CACNA1D: variants seen among roughly 807,000 people sequenced by gnomAD.
CACNA1D encodes the protein calcium voltage-gated channel subunit alpha1 D.
CACNA1D carries 55 observed loss-of-function variants against 257.1 expected under a neutral mutation model. The observed-to-expected ratio is 0.21, with a 90% CI of 0.17 to 0.27. The LOEUF is 0.27. Ranked by LOEUF, CACNA1D falls within the 10% of genes least tolerant of loss-of-function variation. The pLI is 1.00. For synonymous variants in CACNA1D, 980 were observed against 1,014.9 expected (o/e 0.97, Z 0.65); for missense variants, 1,876 against 2,784.0 (o/e 0.67, Z 7.34).
chr3:53,810,253 C>T lies in CACNA1D; in HGVS notation c.6147C>T (p.Asn2049=). The T allele has an allele frequency of 1.2e-6, 2 of 1,613,884 alleles. No homozygotes were observed. The highest frequency in any genetic ancestry group is 1.3e-5 in the African/African-American group (1 of 75,014). The change falls in exon 47 of 48, where the codon AAC becomes AAT. Residue 2049 remains asparagine (N), a synonymous_variant. Coordinates refer to ENST00000350061, the MANE Select transcript of CACNA1D (RefSeq NM_001128840.3). ...ASLTVPSSFR[N]KNSDKQRSAD... ...TGACTGTCCCCAGCAGCTTCCGGAACAAAAACAGCGACAAGCAGAGGAGTG... is the reference window on the plus strand; with the variant it reads ...TGACTGTCCCCAGCAGCTTCCGGAATAAAAACAGCGACAAGCAGAGGAGTG...
chr3:53,566,376 A>T (rs2092836587), intron 3 of CACNA1D, among the ~76,000 whole-genome samples: 1 of 151,896 alleles, frequency 6.6e-6, no homozygotes, highest in East Asian at 1.9e-4. Context: ...GCTTCCCTGG[A>T]TGGGTGTTTG....
intron 28 of CACNA1D, among the ~76,000 whole-genome samples, chr3:53,752,624 C>T (rs2095235495): frequency 6.6e-6 from 1 of 152,182 alleles, no homozygotes; most frequent in Non-Finnish European, 1.5e-5. Flanking sequence ...GTCCCGAACT[C>T]GTGACCTCAG....
Position 53,718,406 on chromosome 3 carries a change from T to C in CACNA1D, c.1478+18T>C. 1.9e-6 allele frequency: 3 copies of C among 1,607,010 alleles called. No individual in the cohort carries two copies. The highest frequency in any genetic ancestry group is 2.2e-5 in the East Asian group (1 of 44,846). On this transcript the variant is annotated intron_variant, in intron 10 of 47. Coordinates refer to ENST00000350061, the MANE Select transcript of CACNA1D (RefSeq NM_001128840.3). ...AGTCTCTGGTGAGTGTGGGGAGCAC[T>C]TGCCCTCTTTCCCCTCCTGTTGTCT...
chr3:53,571,949 C>G (rs1432215992), intron 3 of CACNA1D, among the ~76,000 whole-genome samples: 2 of 152,160 alleles, frequency 1.3e-5, no homozygotes, highest in Non-Finnish European at 2.9e-5. Context: ...AGCGATTGGA[C>G]TCAAAACATT....
In CACNA1D at chr3:53,510,660, C is replaced by T. The variant is rs191716986; in HGVS notation, c.483+8940C>T. Among the ~76,000 whole-genome samples the T allele has an allele frequency of 3.2e-4, 48 of 152,312 alleles. 1 individual carries two copies. Among genetic ancestry groups the T allele is most frequent in the African/African-American group, 1.0e-3 (42 of 41,552 alleles). Reference sequence around the variant, plus strand: ...CACATCATTCTTCACTAAGCCTGTACTCTTTTACCTCACACCACATCTCAC... The same window carrying T: ...CACATCATTCTTCACTAAGCCTGTATTCTTTTACCTCACACCACATCTCAC... On this transcript the variant is annotated intron_variant, in intron 3 of 47. Coordinates refer to ENST00000350061, the MANE Select transcript of CACNA1D (RefSeq NM_001128840.3).
intron 8 of CACNA1D, among the ~76,000 whole-genome samples, chr3:53,695,315 C>T (rs181865037): frequency 1.3e-5 from 2 of 152,302 alleles, no homozygotes; most frequent in Admixed American, 1.3e-4. Flanking sequence ...CATCCCAGGG[C>T]AACTGTGCTG....
chr3:53,809,908 T>G, intron 46 of CACNA1D, 70 bp from the exon 47 acceptor site: 1 of 1,434,888 alleles, frequency 7.0e-7, no homozygotes, highest in South Asian at 1.1e-5. Flanking sequence ...GTGCTTGGTC[T>G]GTGCGCAGAA....
chr3:53,508,352 G>A (rs1462761338), intron 3 of CACNA1D, among the ~76,000 whole-genome samples: 1 of 151,944 alleles, frequency 6.6e-6, no homozygotes, highest in Non-Finnish European at 1.5e-5. Context: ...AGGTTTGGGG[G>A]TACATGTGAA....
intron 8 of CACNA1D, among the ~76,000 whole-genome samples, chr3:53,698,801 T>C (rs1027315023): frequency 1.7e-4 from 25 of 145,610 alleles, no homozygotes; most frequent in African/African-American, 5.7e-4. Context: ...TAGCACACTT[T>C]ATTGCTTTTT....
chr3:53,680,711 A>G (rs2094422183), intron 8 of CACNA1D, among the ~76,000 whole-genome samples: 1 of 152,228 alleles, frequency 6.6e-6, no homozygotes, highest in Non-Finnish European at 1.5e-5. Flanking sequence ...TGGAGGCATT[A>G]ACAATTGCCA....
chr3:53,501,473 C>T lies in CACNA1D; in HGVS notation c.378-142C>T, dbSNP rs2090601170. ...ATGATTACTTCTGCCGAAAACCTAG[C>T]AGTCACAGCAGTCAGCCGAAATAGG... On this transcript the variant is annotated intron_variant, in intron 2 of 47. Coordinates refer to ENST00000350061, the MANE Select transcript of CACNA1D (RefSeq NM_001128840.3). 25 of 633,910 alleles carry T rather than the reference C, an allele frequency of 3.9e-5. No homozygotes were observed. In the South Asian group the frequency reaches 4.6e-4, roughly 12 times the overall value. The allele number at this position is 633,910 out of a possible 1,614,324, so 39.3% of individuals were successfully genotyped here. A position where few individuals can be genotyped will look rare whatever the true frequency, so the allele number is the denominator to read the frequency against.
rs552107651 is a variant in CACNA1D at position 53,592,177 on chromosome 3, C to T, written c.484-58602C>T. Among the ~76,000 whole-genome samples, 6 of 152,276 alleles carry T rather than the reference C, an allele frequency of 3.9e-5. No individual in the cohort carries two copies. In the East Asian group the frequency reaches 7.7e-4, roughly 20 times the overall value. On this transcript the variant is annotated intron_variant, in intron 3 of 47. Coordinates refer to ENST00000350061, the MANE Select transcript of CACNA1D (RefSeq NM_001128840.3). ...GAGAGGTGATAAAGGAATATGTCCA[C>T]GACATAGGTGGTGCTTCGATTCTAG...
rs755286686 is a variant in CACNA1D at position 53,726,974 on chromosome 3, C to T, written c.2196C>T (p.Phe732=). 1 of 1,614,148 alleles carries T rather than the reference C, an allele frequency of 6.2e-7. No homozygotes were observed. Among genetic ancestry groups the T allele is most frequent in the Admixed American group, 1.7e-5 (1 of 60,036 alleles). The change falls in exon 15 of 48, where the codon TTC becomes TTT. Residue 732 remains phenylalanine (F), a synonymous_variant. Coordinates refer to ENST00000350061, the MANE Select transcript of CACNA1D (RefSeq NM_001128840.3). ...SSSGMIVCIY[F]IILFICGNYI... is the part of the protein sequence containing the mutation. ...CAGGAATGATCGTCTGCATCTACTT[C>T]ATCATCCTCTTCATTTGTGGTAACT... is the stretch of plus-strand genomic sequence containing the variant.
At chr3:53,699,510 G>A (rs565457460) in intron 8 of CACNA1D, among the ~76,000 whole-genome samples, 1 of 152,312 alleles carries the variant, frequency 6.6e-6, no homozygotes, top group South Asian at 2.1e-4. Flanking sequence ...ACACAGCAGT[G>A]ACAGAGCTAG....
intron 9 of CACNA1D, among the ~76,000 whole-genome samples, chr3:53,714,699 C>A (rs186759368): frequency 6.6e-6 from 1 of 152,278 alleles, no homozygotes; most frequent in East Asian, 1.9e-4. Context: ...AACCACAGTA[C>A]ATACTTGAAA....
intron 3 of CACNA1D, among the ~76,000 whole-genome samples, chr3:53,528,932 C>T (rs1380670841): frequency 6.6e-6 from 1 of 152,078 alleles, no homozygotes; most frequent in African/African-American, 2.4e-5. Context: ...TCTATGAACA[C>T]AATTATTTTG....
At chr3:53,670,405 C>A (rs55685357) in intron 7 of CACNA1D, among the ~76,000 whole-genome samples, 6,813 of 152,160 alleles carry the variant, frequency 0.045, 225 homozygotes, top group Non-Finnish European at 0.068. Flanking sequence ...AGTGCAATGG[C>A]GTGATCTTGG....
At chr3:53,781,894 T>C in intron 39 of CACNA1D, 5 of 553,376 alleles carry the variant, frequency 9.0e-6, no homozygotes, top group South Asian at 8.8e-5. Flanking sequence ...AAAACTCACA[T>C]GGCTGGAGCA....
intron 17 of CACNA1D, 39 bp downstream of exon 17, chr3:53,731,185 AATG>A (rs763554048): frequency 7.6e-7 from 1 of 1,310,626 alleles, no homozygotes; most frequent in South Asian, 1.2e-5. Context: ...TTTGTTTCAA[AATG>A]ATCCTGTTGA....
Sources: allele counts gnomAD v4.1 joint callset (sites outside exome capture counted in the v4.1 genomes callset), GRCh38; gene constraint gnomAD v4.1.1; transcripts MANE v1.5; gene names NCBI Gene and HGNC (gene_info 2026-07-23, HGNC 2026-07-21).